Variants in USP54 observed in about 807,000 individuals in gnomAD.
USP54 encodes ubiquitin specific peptidase 54.
A neutral mutation model predicts 170.5 loss-of-function variants in USP54; 87 were observed. That is an observed-to-expected ratio of 0.51 (90% confidence interval 0.43 to 0.61). The LOEUF (loss-of-function observed/expected upper bound fraction) is 0.61. USP54 is among the 20% of genes least tolerant of loss of function. The pLI is 0.00. For missense variants in USP54, 1,786 were observed against 2,047.8 expected, an observed-to-expected ratio of 0.87 and a Z score of 2.47; for synonymous variants, 655 against 742.8, an observed-to-expected ratio of 0.88 and a Z score of 1.92.
chr10:73,520,114 G>A (rs951895324), intron 18 of USP54, 122 bp from the exon 19 acceptor site: 12 of 1,366,500 alleles, frequency 8.8e-6, no homozygotes, highest in African/African-American at 2.9e-5. Flanking sequence ...TAGCAGGAAC[G>A]CAAGGCATGG....
At chr10:73,602,855 C>CAAAAAAA (rs60433926) in intron 1 of USP54, among the ~76,000 whole-genome samples, 4 of 41,428 alleles carry the variant, frequency 9.7e-5, no homozygotes, top group African/African-American at 2.0e-4. Flanking sequence ...GACTCTGTCT[C>CAAAAAAA]AAAAAAAAAA....
At chr10:73,624,175 TATATATATATATATA>T (rs2081302263) in intron 1 of USP54, among the ~76,000 whole-genome samples, 26 of 116,604 alleles carry the variant, frequency 2.2e-4, no homozygotes, top group Middle Eastern at 4.3e-3. Context: ...TATATATATA[TATATATATATATATA>T]TATATGTATT....
At chr10:73,550,096 G>A (rs558996195) in intron 4 of USP54, among the ~76,000 whole-genome samples, 3 of 152,204 alleles carry the variant, frequency 2.0e-5, no homozygotes, top group Admixed American at 6.5e-5. Context: ...GCTAAGTTTT[G>A]CATTTTTAGT....
At chr10:73,571,142 A>C (rs943597804) in intron 4 of USP54, among the ~76,000 whole-genome samples, 57 of 124,402 alleles carry the variant, frequency 4.6e-4, no homozygotes, top group Non-Finnish European at 7.6e-4. Flanking sequence ...CATCCCAAAA[A>C]AAAAAAAAAA....
At chr10:73,602,855 CAAAAA>C (rs60433926) in intron 1 of USP54, among the ~76,000 whole-genome samples, 2 of 41,428 alleles carry the variant, frequency 4.8e-5, no homozygotes, top group East Asian at 1.5e-3. Context: ...GACTCTGTCT[CAAAAA>C]AAAAAAAAAA....
intron 3 of USP54, among the ~76,000 whole-genome samples, chr10:73,573,839 T>C (rs527729692): frequency 1.1e-4 from 16 of 152,326 alleles, no homozygotes; most frequent in African/African-American, 3.4e-4. Flanking sequence ...CATTCTTGTA[T>C]TATGAATGAG....
rs142253567 is a variant in USP54 at position 73,612,703 on chromosome 10, G to A, written c.-18+12864C>T. Among the ~76,000 whole-genome samples, 12 of 151,996 alleles carry A rather than the reference G, an allele frequency of 7.9e-5. No individual in the cohort carries two copies. In the East Asian group the frequency reaches 9.7e-4, roughly 12 times the overall value. ...CTAAAAATGCAAAAATAAGCTGAGC[G>A]TGGTGGTGCATGCCTGTACCCCACT... On this transcript the variant is annotated intron_variant, in intron 1 of 22. Coordinates refer to the USP54 transcript ENST00000339859.
rs1389348358 is a variant in USP54 at position 73,511,586 on chromosome 10, G to C, written c.4051+4789C>G. ...GAAGCACGAGAATCGCTTGAACCTG[G>C]GAGACGGAGGTTGCAGTGAGCTGAG... On this transcript the variant is annotated intron_variant, in intron 20 of 23. Coordinates refer to ENST00000687698, the MANE Select transcript of USP54 (RefSeq NM_001391956.1). 2.0e-5 allele frequency among the ~76,000 whole-genome samples: 3 copies of C among 151,474 alleles called. No individual in the cohort carries two copies. The East Asian group carries it at 6.0e-4, about 30-fold the overall frequency.
chr10:73,503,912 T>C (rs1416052215), intron 22 of USP54, among the ~76,000 whole-genome samples: 1 of 152,150 alleles, frequency 6.6e-6, no homozygotes, highest in Non-Finnish European at 1.5e-5. Context: ...TTTATATTTT[T>C]GCCATGTTGG....
intron 15 of USP54, chr10:73,529,356 A>G (rs2063552186): frequency 8.3e-6 from 3 of 359,340 alleles, no homozygotes; most frequent in South Asian, 7.2e-5. Flanking sequence ...TACTAGCTTA[A>G]TATGTGGGTA....
chr10:73,597,337 C>G (rs1296121733), intron 1 of USP54, among the ~76,000 whole-genome samples: 1 of 151,970 alleles, frequency 6.6e-6, no homozygotes, highest in Non-Finnish European at 1.5e-5. Context: ...GCTAAAGGCC[C>G]CAAGGTTCTA....
At chr10:73,606,175 C>CAAAAA (rs1178699732) in intron 1 of USP54, among the ~76,000 whole-genome samples, 1 of 25,592 alleles carries the variant, frequency 3.9e-5, no homozygotes, top group African/African-American at 1.0e-4. Flanking sequence ...GAGGCTGTCT[C>CAAAAA]AAAAAAAAAA....
At chr10:73,580,441 G>A (rs373254763) in intron 1 of USP54, among the ~76,000 whole-genome samples, 3 of 151,798 alleles carry the variant, frequency 2.0e-5, no homozygotes, top group Non-Finnish European at 2.9e-5. Flanking sequence ...AGAAGAGACC[G>A]CATATACAAT....
At chr10:73,558,273 G>C (rs977962969) in intron 4 of USP54, among the ~76,000 whole-genome samples, 3 of 152,096 alleles carry the variant, frequency 2.0e-5, no homozygotes, top group African/African-American at 7.2e-5. Flanking sequence ...GGCATAATTA[G>C]TAACTTGCAT....
chr10:73,561,104 C>CAAAAAAAAAA (rs919887025), intron 4 of USP54, among the ~76,000 whole-genome samples: 1 of 30,488 alleles, frequency 3.3e-5, no homozygotes, highest in Non-Finnish European at 8.0e-5. Flanking sequence ...GACTCCATCT[C>CAAAAAAAAAA]AAAAAAAAAA....
At chr10:73,605,869 T>G (rs148639500) in intron 1 of USP54, among the ~76,000 whole-genome samples, 3 of 151,458 alleles carry the variant, frequency 2.0e-5, no homozygotes, top group Non-Finnish European at 2.9e-5. Context: ...GGATTTGGAG[T>G]CTCAGTTTTA....
chr10:73,503,891 C>T (rs367949350), intron 22 of USP54, among the ~76,000 whole-genome samples: 16 of 152,280 alleles, frequency 1.1e-4, no homozygotes, highest in Middle Eastern at 3.4e-3. Context: ...CCCCACCATG[C>T]CTGGCTAATT....
chr10:73,524,575 C>T (rs762034576), intron 16 of USP54, among the ~76,000 whole-genome samples: 4 of 152,020 alleles, frequency 2.6e-5, no homozygotes, highest in Non-Finnish European at 5.9e-5. Flanking sequence ...AGCAAGACTT[C>T]GTCTCAAAAT....
At chr10:73,513,569 G>T (rs983436106) in intron 20 of USP54, 5 of 152,068 alleles carry the variant, frequency 3.3e-5, no homozygotes, top group Admixed American at 1.3e-4. Context: ...ACCATTAAAG[G>T]TAGTTTTTAC....
Sources: allele counts gnomAD v4.1 joint callset (sites outside exome capture counted in the v4.1 genomes callset), GRCh38; gene constraint gnomAD v4.1.1; transcripts MANE v1.5; gene names NCBI Gene and HGNC (gene_info 2026-07-23, HGNC 2026-07-21).